The following CDK8 variants were observed in gnomAD, a reference collection of about 807,000 sequenced individuals.
The protein encoded by CDK8 is cyclin dependent kinase 8.
Under a neutral mutation model 71.5 loss-of-function variants are expected in CDK8, and 29 were observed. The observed-to-expected ratio is 0.41, with a 90% confidence interval of 0.30 to 0.55. The LOEUF is 0.55. CDK8 is among the 20% of genes least tolerant of loss of function. The pLI, the probability that CDK8 is intolerant of heterozygous loss-of-function variation, is 0.37. For missense variants in CDK8, 288 were observed against 572.6 expected (o/e 0.50, Z 5.07); for synonymous variants, 161 against 192.1 (o/e 0.84, Z 1.34).
intron 2 of CDK8, among the ~76,000 whole-genome samples, chr13:26,344,367 T>C (rs1046621808): frequency 1.3e-5 from 2 of 152,212 alleles, no homozygotes; most frequent in African/African-American, 4.8e-5. Flanking sequence ...TGCATGTTTC[T>C]TTTCGTAAGC....
At chr13:26,336,423 A>G (rs1038250802) in intron 1 of CDK8, among the ~76,000 whole-genome samples, 1 of 152,092 alleles carries the variant, frequency 6.6e-6, no homozygotes, top group Non-Finnish European at 1.5e-5. Flanking sequence ...AGGATATAAT[A>G]TTGATAGATA....
chr13:26,280,571 TAATG>T (rs1403329205), intron 1 of CDK8, among the ~76,000 whole-genome samples: 1 of 152,230 alleles, frequency 6.6e-6, no homozygotes, highest in East Asian at 1.9e-4. Flanking sequence ...CACTGAAAAA[TAATG>T]AATGTCAGCA....
In CDK8 at chr13:26,380,124, A is replaced by T. The variant is rs1417815138; in HGVS notation, c.457-2690A>T. On this transcript the variant is annotated intron_variant, in intron 4 of 12. Transcript: ENST00000381527. ...CCTGCCAGGCGCCTTGCATCCCATC[A>T]CAAGGACTGGACCTTATGTAGGAGT... 2.6e-5 allele frequency among the ~76,000 whole-genome samples: 4 copies of T among 152,334 alleles called. No homozygotes were observed. In the East Asian group the frequency reaches 7.7e-4, roughly 29 times the overall value.
rs7331807 is a variant in CDK8, at chr13:26,388,807, A to G, written c.646+3465A>G. 8.5e-3 allele frequency among the ~76,000 whole-genome samples: 1,289 copies of G among 152,114 alleles called. 17 individuals carry two copies. Among genetic ancestry groups the G allele is most frequent in the African/African-American group, 0.028 (1,168 of 41,554 alleles). ...TAGGGAGCTAGATTCTCTTGTCCCA[A>G]TGGCTGTATGATTTGGGAGAGAGGC... On this transcript the variant is annotated intron_variant, in intron 6 of 12. Transcript: ENST00000381527.
chr13:26,291,719 A>G (rs2137902649), intron 1 of CDK8, among the ~76,000 whole-genome samples: 1 of 152,302 alleles, frequency 6.6e-6, no homozygotes, highest in Admixed American at 6.5e-5. Context: ...CTATCATGGT[A>G]CATGAATGAT....
intron 1 of CDK8, among the ~76,000 whole-genome samples, chr13:26,335,035 A>G (rs980799987): frequency 6.6e-6 from 1 of 152,078 alleles, no homozygotes; most frequent in African/African-American, 2.4e-5. Flanking sequence ...CTCCTCTCCT[A>G]TATTGTTAGC....
At chr13:26,337,437 A>C (rs2137973307) in intron 1 of CDK8, 130 bp from the exon 2 acceptor site, 1 of 333,638 alleles carries the variant, frequency 3.0e-6, no homozygotes, top group Admixed American at 5.0e-5. Flanking sequence ...TCCTTGTACG[A>C]CATTGTATGA....
At chr13:26,257,271 T>A (rs1326524006) in intron 1 of CDK8, among the ~76,000 whole-genome samples, 2 of 152,180 alleles carry the variant, frequency 1.3e-5, no homozygotes, top group African/African-American at 4.8e-5. Flanking sequence ...TTGAAATGAA[T>A]GTATGTAAAC....
intron 1 of CDK8, among the ~76,000 whole-genome samples, chr13:26,294,298 A>G (rs1873441221): frequency 6.6e-6 from 1 of 151,800 alleles, no homozygotes; most frequent in Non-Finnish European, 1.5e-5. Flanking sequence ...GCCCTGCTCT[A>G]CACACTATAT....
intron 1 of CDK8, among the ~76,000 whole-genome samples, chr13:26,282,377 A>C (rs1314311689): frequency 1.3e-5 from 2 of 152,214 alleles, no homozygotes; most frequent in African/African-American, 4.8e-5. Flanking sequence ...TTCTCAGCAG[A>C]ACCCCTACAA....
intron 1 of CDK8, among the ~76,000 whole-genome samples, chr13:26,289,017 G>A (rs1456943975): frequency 6.7e-6 from 1 of 150,274 alleles, no homozygotes; most frequent in African/African-American, 2.5e-5. Context: ...GGGTTTACAG[G>A]CGTGAGCTGC....
At chr13:26,387,119 C>T (rs1388092117) in intron 6 of CDK8, among the ~76,000 whole-genome samples, 2 of 152,078 alleles carry the variant, frequency 1.3e-5, no homozygotes, top group African/African-American at 4.8e-5. Context: ...CTAAAAACCT[C>T]TTCTTGTTCT....
chr13:26,269,719 T>C lies in CDK8; in HGVS notation c.128+14950T>C, dbSNP rs146213321. Among the ~76,000 whole-genome samples, 1,124 of 152,338 alleles carry C rather than the reference T, an allele frequency of 7.4e-3. 12 individuals are homozygous for C. The highest frequency in any genetic ancestry group is 0.031 in the South Asian group (152 of 4,832). On this transcript the variant is annotated intron_variant, in intron 1 of 12. Coordinates refer to ENST00000381527, the MANE Select transcript of CDK8 (RefSeq NM_001260.3). ...TTCTGTATTTCTATTGCACTTTGAG[T>C]AACTGGACTCACTGAATTTAAAATG...
chr13:26,368,462 G>T (rs1364680047), intron 4 of CDK8, among the ~76,000 whole-genome samples: 1 of 152,132 alleles, frequency 6.6e-6, no homozygotes, highest in Non-Finnish European at 1.5e-5. Flanking sequence ...CGTGGTGAAA[G>T]CTGCACCATT....
chr13:26,391,089 CAG>C, intron 6 of CDK8, among the ~76,000 whole-genome samples: 2 of 151,274 alleles, frequency 1.3e-5, no homozygotes, highest in East Asian at 3.9e-4. Context: ...TCAGCTGACT[CAG>C]AGTTAATGAT....
chr13:26,353,761 G>A lies in CDK8; in HGVS notation c.337G>A (p.Ala113Thr). ...TCAGCATATAATCAAGTTTCACAGAGCTTCTAAAGCAAACAAGAAGCCAGT... is the reference window on the plus strand; with the variant it reads ...TCAGCATATAATCAAGTTTCACAGAACTTCTAAAGCAAACAAGAAGCCAGT... ...DLWHIIKFHR[A>T]SKANKKPVQL... Residue 113 changes from alanine to threonine, a missense_variant, in exon 4 of 13, where the codon GCT (alanine) becomes ACT (threonine). Physicochemically the swap from Ala to Thr is moderately conservative, Grantham distance 58. Transcript: ENST00000381527. 1.2e-6 allele frequency: 2 copies of A among 1,612,342 alleles called. No individual in the cohort carries two copies. The highest frequency in any genetic ancestry group is 1.7e-4 in the Middle Eastern group (1 of 6,054).
intron 2 of CDK8, among the ~76,000 whole-genome samples, chr13:26,347,476 T>C (rs956752103): frequency 2.0e-5 from 3 of 152,212 alleles, no homozygotes; most frequent in Non-Finnish European, 2.9e-5. Flanking sequence ...TCAATTGTTA[T>C]GTGATGTCAA....
intron 4 of CDK8, 64 bp downstream of exon 4, chr13:26,353,944 G>A (rs1360477716): frequency 6.9e-5 from 96 of 1,396,486 alleles, no homozygotes; most frequent in South Asian, 1.3e-4. Flanking sequence ...TTTTCTAGTC[G>A]TCTGTAGATA....
intron 9 of CDK8, 174 bp from the exon 10 acceptor site, chr13:26,400,279 G>T: frequency 1.7e-6 from 1 of 574,162 alleles, no homozygotes; most frequent in African/African-American, 1.9e-5. Flanking sequence ...AATGACTAAA[G>T]TGTGAATTAC....
Sources: allele counts gnomAD v4.1 joint callset (sites outside exome capture counted in the v4.1 genomes callset), GRCh38; gene constraint gnomAD v4.1.1; transcripts MANE v1.5; gene names NCBI Gene and HGNC (gene_info 2026-07-23, HGNC 2026-07-21).